The following EPC1 variants were observed in gnomAD, a reference collection of about 807,000 sequenced individuals.
EPC1 encodes the protein enhancer of polycomb 1, also known as enhancer of polycomb homolog 1.
In EPC1, 12 loss-of-function variants were observed where a neutral mutation model predicts 98.4. That is an observed-to-expected ratio of 0.12 (90% CI 0.08 to 0.20). The LOEUF (loss-of-function observed/expected upper bound fraction) is 0.20, where lower values mean the gene tolerates loss of function less well. EPC1 is among the 10% of genes least tolerant of loss of function. The probability of loss-of-function intolerance (pLI) is 1.00; values close to 1 mark genes in which losing one functional copy is unlikely to be tolerated. For synonymous variants in EPC1, 357 were observed against 363.9 expected (o/e 0.98, Z 0.21); for missense variants, 729 against 990.5 (o/e 0.74, Z 3.54).
At chr10:32,298,510 T>C (rs552479635) in intron 2 of EPC1, among the ~76,000 whole-genome samples, 13 of 152,304 alleles carry the variant, frequency 8.5e-5, no homozygotes, top group African/African-American at 2.4e-4. Context: ...ATTAATAATA[T>C]CTACTTGCAA....
chr10:32,352,745 T>A (rs1214720485), intron 1 of EPC1, among the ~76,000 whole-genome samples: 2 of 152,208 alleles, frequency 1.3e-5, no homozygotes, highest in African/African-American at 2.4e-5. Context: ...AGAAATACTT[T>A]AAATGCATTA....
chr10:32,272,946 T>C lies in EPC1; in HGVS notation c.1863+217A>G, dbSNP rs925453687. On this transcript the variant is annotated intron_variant, in intron 11 of 13. Transcript: ENST00000319778. ...CAGACGGGAAGACAGTATCTTCATC[T>C]CATTTAACTAAGTGCTTTAGTTTTA... 3.0e-6 allele frequency: 4 copies of C among 1,318,422 alleles called. No homozygotes were observed. In the Admixed American group the frequency reaches 7.3e-5, roughly 24 times the overall value. 81.7% of individuals were successfully genotyped at this position (1,318,422 alleles called of 1,614,324 possible).
intron 1 of EPC1, among the ~76,000 whole-genome samples, chr10:32,365,891 T>TG (rs1176798850): frequency 7.3e-6 from 1 of 136,778 alleles, no homozygotes; most frequent in Non-Finnish European, 1.5e-5. Context: ...CCCAGCGCTT[T>TG]GGGGGGCCGA....
chr10:32,361,446 C>T (rs114982912), intron 1 of EPC1, among the ~76,000 whole-genome samples: 1,798 of 152,208 alleles, frequency 0.012, 41 homozygotes, highest in African/African-American at 0.041. Context: ...ATAGTAGTAG[C>T]GCCGAAAAGC....
At chr10:32,296,734 C>A (rs976760048) in intron 2 of EPC1, among the ~76,000 whole-genome samples, 1 of 152,098 alleles carries the variant, frequency 6.6e-6, no homozygotes. Flanking sequence ...CGGTGAAACC[C>A]TATCTCTACT....
At chr10:32,332,768 GTAAT>G (rs1293545719) in intron 1 of EPC1, among the ~76,000 whole-genome samples, 1 of 152,204 alleles carries the variant, frequency 6.6e-6, no homozygotes, top group African/African-American at 2.4e-5. Flanking sequence ...TACATTTAGG[GTAAT>G]TAGTTACATA....
chr10:32,377,694 T>C (rs1839897304), intron 1 of EPC1, among the ~76,000 whole-genome samples: 1 of 151,384 alleles, frequency 6.6e-6, no homozygotes, highest in African/African-American at 2.4e-5. Context: ...GCCCCACCTC[T>C]TTTTTTTTCT....
chr10:32,289,208 A>G (rs1054288870), intron 6 of EPC1, among the ~76,000 whole-genome samples: 1 of 152,212 alleles, frequency 6.6e-6, no homozygotes, highest in Non-Finnish European at 1.5e-5. Context: ...AAAAACTTAC[A>G]TGAGTAAACT....
intron 1 of EPC1, chr10:32,377,336 A>G (rs1361251032): frequency 6.6e-6 from 1 of 152,222 alleles, no homozygotes; most frequent in Non-Finnish European, 1.5e-5. Flanking sequence ...ATGAAATTCA[A>G]CTTTTACAAT....
At chr10:32,334,271 G>T (rs1837819461) in intron 1 of EPC1, among the ~76,000 whole-genome samples, 1 of 152,102 alleles carries the variant, frequency 6.6e-6, no homozygotes, top group African/African-American at 2.4e-5. Flanking sequence ...TGTATATTTG[G>T]CAAGTGTCTG....
At chr10:32,327,087 A>AC (rs1564548890) in intron 1 of EPC1, among the ~76,000 whole-genome samples, 2 of 151,356 alleles carry the variant, frequency 1.3e-5, no homozygotes, top group Admixed American at 1.3e-4. Flanking sequence ...ACACACACAC[A>AC]CACTCACAAT....
At chr10:32,274,396 A>G (rs1301205723) in intron 10 of EPC1, among the ~76,000 whole-genome samples, 3 of 152,188 alleles carry the variant, frequency 2.0e-5, no homozygotes, top group Admixed American at 6.5e-5. Flanking sequence ...TTTCACTTAT[A>G]TAACTCATGA....
chr10:32,286,871 T>G (rs1472565639), intron 8 of EPC1, 29 bp from the exon 9 acceptor site: 3 of 1,611,528 alleles, frequency 1.9e-6, no homozygotes, highest in East Asian at 2.2e-5. Flanking sequence ...AATTATTTAA[T>G]TTTGTCAGTT....
intron 1 of EPC1, among the ~76,000 whole-genome samples, chr10:32,361,021 G>C (rs1839429402): frequency 6.6e-6 from 1 of 152,186 alleles, no homozygotes. Flanking sequence ...CAAAGGCCAA[G>C]GGAGCACTCT....
At chr10:32,315,320 T>C (rs932016690) in intron 1 of EPC1, among the ~76,000 whole-genome samples, 1 of 152,226 alleles carries the variant, frequency 6.6e-6, no homozygotes. Context: ...TAATAAATTA[T>C]AATAAACATT....
chr10:32,290,483 C>CAAAAAAAAAAAAAAAAAAAAAAAAA (rs57193296), intron 6 of EPC1, among the ~76,000 whole-genome samples: 2 of 40,156 alleles, frequency 5.0e-5, no homozygotes, highest in African/African-American at 2.7e-4. Flanking sequence ...AAGACTCTGT[C>CAAAAAAAAAAAAAAAAAAAAAAAAA]AAAAAAAAAA....
intron 1 of EPC1, among the ~76,000 whole-genome samples, chr10:32,367,244 G>A (rs1169407868): frequency 6.6e-6 from 1 of 152,136 alleles, no homozygotes; most frequent in Admixed American, 6.5e-5. Context: ...GCCCACCTCG[G>A]CCTCCCAAAG....
intron 1 of EPC1, among the ~76,000 whole-genome samples, chr10:32,375,989 A>G (rs1256533164): frequency 6.6e-6 from 1 of 152,054 alleles, no homozygotes; most frequent in Non-Finnish European, 1.5e-5. Flanking sequence ...TGTTCAAGGA[A>G]TCAAGAGCTA....
chr10:32,279,809 AAAC>A (rs1201368889), intron 10 of EPC1, among the ~76,000 whole-genome samples: 2 of 152,202 alleles, frequency 1.3e-5, no homozygotes, highest in African/African-American at 2.4e-5. Context: ...AGTATTAAAA[AAAC>A]AACTGTATTT....
Sources: gnomAD v4.1 joint callset for allele counts (sites outside exome capture counted in the v4.1 genomes callset) on GRCh38, gnomAD v4.1.1 for gene constraint, MANE v1.5 for transcripts, NCBI Gene and HGNC (gene_info 2026-07-23, HGNC 2026-07-21) for gene names.